Variants in AMBRA1 observed in about 807,000 individuals in gnomAD.
The protein encoded by AMBRA1 is activating molecule in BECN1-regulated autophagy protein 1.
AMBRA1 carries 47 observed loss-of-function variants against 125.4 expected under a neutral mutation model. The observed-to-expected ratio is 0.37, with a 90% CI of 0.30 to 0.48. The LOEUF (loss-of-function observed/expected upper bound fraction) is 0.48, where lower values mean the gene tolerates loss of function less well. Among genes scored for constraint, AMBRA1 ranks in the 20% least tolerant of loss-of-function variants. AMBRA1 has a pLI of 0.99. For synonymous variants in AMBRA1, 626 were observed against 655.5 expected (o/e 0.95, Z 0.69); for missense variants, 1,331 against 1,693.4 (o/e 0.79, Z 3.76).
intron 11 of AMBRA1, among the ~76,000 whole-genome samples, chr11:46,446,517 A>T (rs1406304006): frequency 1.3e-5 from 2 of 152,216 alleles, no homozygotes; most frequent in Non-Finnish European, 2.9e-5. Context: ...CCCATGTAGT[A>T]ATGACAGAAT....
Position 46,408,704 on chromosome 11 carries a change from G to A in AMBRA1, c.3212C>T (p.Thr1071Ile), listed in dbSNP as rs142506605. 9.5e-5 allele frequency: 146 copies of A among 1,529,368 alleles called. 1 individual carries two copies. The African/African-American group carries it at 1.9e-3, about 20-fold the overall frequency. The allele number at this position is 1,529,368 out of a possible 1,614,324, so 94.7% of individuals were successfully genotyped here. The change falls in exon 17 of 18, where the codon ACC becomes ATC. Residue 1071 changes from threonine to isoleucine, a missense_variant and splice_region_variant. Coordinates refer to ENST00000683756, the MANE Select transcript of AMBRA1 (RefSeq NM_001387011.1). ...SNSRSSERPG[T>I]SRATWRTDRD... ...GTCTGTCCTCCATGTGGCTCTGCTG[G>A]TTCTAGGGAGAGAAAGGCAGACTAA...
chr11:46,434,008 G>A (rs1010932284), intron 13 of AMBRA1, among the ~76,000 whole-genome samples: 5 of 151,404 alleles, frequency 3.3e-5, no homozygotes, highest in South Asian at 4.2e-4. Flanking sequence ...CTAGCTACTC[G>A]GGAGGCTGAG....
Position 46,414,800 on chromosome 11 carries a change from G to A in AMBRA1, c.3116+3113C>T, listed in dbSNP as rs1438627271. On this transcript the variant is annotated intron_variant, in intron 15 of 17. Coordinates refer to ENST00000683756, the MANE Select transcript of AMBRA1 (RefSeq NM_001387011.1). Reference sequence around the variant, plus strand: ...GGATGGCTTTGTAGAGGGGCTGACTGGCCAGTTGTTTGTCTTCTTGCCTGT... The same window carrying A: ...GGATGGCTTTGTAGAGGGGCTGACTAGCCAGTTGTTTGTCTTCTTGCCTGT... Among the ~76,000 whole-genome samples the A allele has an allele frequency of 3.3e-5, 5 of 152,304 alleles. No individual in the cohort carries two copies. The East Asian group carries it at 9.7e-4, about 29-fold the overall frequency.
chr11:46,539,462 T>G (rs769994673), intron 7 of AMBRA1, among the ~76,000 whole-genome samples: 9 of 151,906 alleles, frequency 5.9e-5, no homozygotes, highest in Non-Finnish European at 8.8e-5. Context: ...GAGGCTGAGG[T>G]AGGAGAATCA....
At chr11:46,499,883 G>A (rs1384968336) in intron 9 of AMBRA1, among the ~76,000 whole-genome samples, 1 of 152,132 alleles carries the variant, frequency 6.6e-6, no homozygotes, top group Non-Finnish European at 1.5e-5. Flanking sequence ...TTGAACTCCT[G>A]ACCTTGTGAT....
chr11:46,541,913 G>T, intron 7 of AMBRA1, 32 bp downstream of exon 7: 1 of 1,592,840 alleles, frequency 6.3e-7, no homozygotes, highest in South Asian at 1.1e-5. Flanking sequence ...AGAAAAGCAA[G>T]GGATGCAGAA....
intron 11 of AMBRA1, among the ~76,000 whole-genome samples, chr11:46,471,520 G>A (rs967171481): frequency 6.6e-6 from 1 of 151,870 alleles, no homozygotes; most frequent in African/African-American, 2.4e-5. Context: ...GGAGGTTGCA[G>A]TGAGCCGAGA....
chr11:46,586,037 C>T (rs1003966672), intron 1 of AMBRA1, among the ~76,000 whole-genome samples: 2 of 151,962 alleles, frequency 1.3e-5, no homozygotes, highest in Non-Finnish European at 2.9e-5. Flanking sequence ...CTCCCAACCT[C>T]AGGTGATCCA....
chr11:46,407,359 C>G (rs561096457), intron 17 of AMBRA1, among the ~76,000 whole-genome samples: 6 of 152,178 alleles, frequency 3.9e-5, no homozygotes, highest in Non-Finnish European at 8.8e-5. Flanking sequence ...ATTGAGAAGC[C>G]CGTGGTGGTT....
chr11:46,578,905 A>G (rs1345467847), intron 1 of AMBRA1, among the ~76,000 whole-genome samples: 1 of 149,858 alleles, frequency 6.7e-6, no homozygotes, highest in Non-Finnish European at 1.5e-5. Context: ...AAAAAAAAAA[A>G]AAAGTATAGA....
At chr11:46,512,860 TCA>T in intron 7 of AMBRA1, 47 bp from the exon 8 acceptor site, 1 of 1,531,752 alleles carries the variant, frequency 6.5e-7, no homozygotes, top group Non-Finnish European at 9.0e-7. Context: ...AATTACCAAC[TCA>T]GAGGTCATTC....
intron 11 of AMBRA1, among the ~76,000 whole-genome samples, chr11:46,445,573 T>C (rs1024834597): frequency 1.3e-5 from 2 of 152,230 alleles, no homozygotes; most frequent in African/African-American, 4.8e-5. Flanking sequence ...TCTTGATTTT[T>C]CTATGCCTCT....
chr11:46,558,891 A>G (rs915918803), intron 1 of AMBRA1, among the ~76,000 whole-genome samples: 2 of 152,198 alleles, frequency 1.3e-5, no homozygotes, highest in Non-Finnish European at 2.9e-5. Flanking sequence ...AGAGTTGTGA[A>G]AAGATCCCAA....
Position 46,542,756 on chromosome 11 carries a change from G to T in AMBRA1, c.1261C>A (p.Arg421=), listed in dbSNP as rs753519749. The T allele has an allele frequency of 6.2e-7, 1 of 1,613,916 alleles. No individual in the cohort carries two copies. Among genetic ancestry groups the T allele is most frequent in the South Asian group, 1.1e-5 (1 of 91,046 alleles). ...CGGGAGTTCAGACTGAGTACTGTCC[G>T]GGTCCACTCAGATCCTGTCAACCCA... is the stretch of plus-strand genomic sequence containing the variant. ...APGLTGSEWT[R]TVLSLNSRSE... Residue 421 remains arginine (R), a synonymous_variant, in exon 7 of 18, where the codon CGG becomes AGG. Transcript: ENST00000683756. The surrounding 1 kb of genome is among the most constrained non-coding windows in gnomAD (Gnocchi z 5.9).
At chr11:46,561,482 A>C (rs1470796193) in intron 1 of AMBRA1, among the ~76,000 whole-genome samples, 2 of 152,184 alleles carry the variant, frequency 1.3e-5, no homozygotes, top group East Asian at 3.8e-4. Flanking sequence ...TACTCATCAG[A>C]CAAATAAGAA....
intron 3 of AMBRA1, 129 bp downstream of exon 3, chr11:46,547,688 C>T (rs1005149654): frequency 9.2e-6 from 8 of 866,702 alleles, no homozygotes; most frequent in South Asian, 4.9e-5. Flanking sequence ...CTTTCCGACA[C>T]GGGGCCAAAG....
chr11:46,544,056 G>A lies in AMBRA1; in HGVS notation c.552-15C>T. The A allele has an allele frequency of 6.2e-6, 10 of 1,607,882 alleles. No individual in the cohort carries two copies. The highest frequency in any genetic ancestry group is 7.7e-6 in the Non-Finnish European group (9 of 1,174,834). On this transcript the variant is annotated splice_polypyrimidine_tract_variant and intron_variant, in intron 5 of 17. Coordinates refer to ENST00000683756, the MANE Select transcript of AMBRA1 (RefSeq NM_001387011.1). ...ATCTCACCAGACTAAAATCACAGAA[G>A]AAAGAGACAAAGACACACATAGAGA... is the stretch of plus-strand genomic sequence containing the variant.
rs2044699686 is a variant in AMBRA1, at chr11:46,593,997, G to A, written c.-290C>T. 2.5e-6 allele frequency: 1 copy of A among 398,652 alleles called. No homozygotes were observed. The highest frequency in any genetic ancestry group is 4.4e-6 in the Non-Finnish European group (1 of 226,090). 24.7% of individuals were successfully genotyped at this position (398,652 alleles called of 1,614,324 possible). ...ACTCAGCCCTCGACCCGGCGCCGCC[G>A]CCGCTCAGGAGACATCAAGCAAGAA... On this transcript the variant is annotated 5_prime_UTR_variant, in exon 1 of 18. Transcript: ENST00000683756.
rs368255560 is a variant in AMBRA1 at position 46,517,441 on chromosome 11, G to T, written c.2073-4628C>A. Among the ~76,000 whole-genome samples, 4 of 142,366 alleles carry T rather than the reference G, an allele frequency of 2.8e-5. No homozygotes were observed. The South Asian group carries it at 6.8e-4, about 24-fold the overall frequency. 93.4% of individuals were successfully genotyped at this position (142,366 alleles called of 152,430 possible). ...TAGGATTACAGGCGTAAGCCACCGC[G>T]CCCGGCTAGAAAGCATTTTATTAAT... is the stretch of plus-strand genomic sequence containing the variant. On this transcript the variant is annotated intron_variant, in intron 7 of 17. Coordinates refer to ENST00000683756, the MANE Select transcript of AMBRA1 (RefSeq NM_001387011.1).
Sources: allele counts gnomAD v4.1 joint callset (sites outside exome capture counted in the v4.1 genomes callset), GRCh38; gene constraint gnomAD v4.1.1; non-coding constraint Gnocchi (gnomAD v3.1); transcripts MANE v1.5; gene names NCBI Gene and HGNC (gene_info 2026-07-23, HGNC 2026-07-21).